The following FKBP11 variants were observed in gnomAD, a reference collection of about 807,000 sequenced individuals.
The protein encoded by FKBP11 is FKBP prolyl isomerase 11.
FKBP11 carries 21 observed loss-of-function variants against 24.7 expected under a neutral mutation model. The ratio of observed to expected loss-of-function variants is 0.85; its 90% CI spans 0.60 to 1.23. FKBP11 has a LOEUF of 1.23. Ranked by LOEUF, FKBP11 falls within the 50% of genes most tolerant of loss-of-function variation. The pLI, the probability that FKBP11 is intolerant of heterozygous loss-of-function variation, is 0.00. For missense variants in FKBP11, 245 were observed against 248.7 expected (o/e 0.99, Z 0.10); for synonymous variants, 106 against 100.6 (o/e 1.05, Z -0.32).
upstream of FKBP11, chr12:48,931,314 G>GCT (rs1392933870): frequency 2.1e-4 from 206 of 1,000,534 alleles, no homozygotes; most frequent in Admixed American, 1.3e-4. Context: ...CAGGTCTGAG[G>GCT]CTCTGTTCAG....
the FKBP11 span, chr12:48,938,087 A>G: frequency 7.6e-4 from 228 of 299,496 alleles, 1 homozygote; most frequent in African/African-American, 4.7e-3. Context: ...CTCTAAGCTG[A>G]TAAGAGTGAG....
At chr12:48,926,528 T>C (rs1436812987), upstream of FKBP11, 1 of 147,752 alleles carries the variant, frequency 6.8e-6, no homozygotes, top group South Asian at 2.1e-4. Context: ...TTTCTTTTTT[T>C]TTTTTTTTTT....
the FKBP11 span, among the ~76,000 whole-genome samples, chr12:48,932,261 ATTTTTTTT>A: frequency 3.5e-3 from 105 of 30,332 alleles, no homozygotes; most frequent in Middle Eastern, 0.056. Flanking sequence ...ATATATATAT[ATTTTTTTT>A]TTTTTTTTTT....
upstream of FKBP11, among the ~76,000 whole-genome samples, chr12:48,930,024 CA>C (rs1240260971): frequency 6.6e-6 from 1 of 152,168 alleles, no homozygotes; most frequent in African/African-American, 2.4e-5. Context: ...CTATCTCCCC[CA>C]AAGAGCCAGC....
the FKBP11 span, among the ~76,000 whole-genome samples, chr12:48,933,831 C>T: frequency 6.6e-6 from 1 of 151,642 alleles, no homozygotes; most frequent in East Asian, 1.9e-4. Context: ...CACGCCACTG[C>T]ATTCCGGCCT....
the FKBP11 span, chr12:48,938,439 G>A: frequency 2.2e-5 from 7 of 324,568 alleles, no homozygotes; most frequent in Admixed American, 6.8e-5. Context: ...CGCTCCCCCC[G>A]GCCCCCACAA....
chr12:48,923,191 C>A, intron 5 of FKBP11: 1 of 1,211,082 alleles, frequency 8.3e-7, no homozygotes, highest in Non-Finnish European at 1.0e-6. Context: ...CTGTGGAGTA[C>A]AACACATTTT....
chr12:48,938,727 A>AT, the FKBP11 span: 2 of 607,760 alleles, frequency 3.3e-6, no homozygotes, highest in African/African-American at 3.7e-5. Context: ...AATCCAGTAA[A>AT]TTGGAATGAC....
chr12:48,924,883 G>C, intron 2 of FKBP11, 163 bp downstream of exon 2: 4 of 1,445,344 alleles, frequency 2.8e-6, no homozygotes, highest in Non-Finnish European at 3.6e-6. Flanking sequence ...AGGGAAAAGA[G>C]GCACGGAAGA....
At chr12:48,922,920 A>G in intron 5 of FKBP11, 1 of 1,048,038 alleles carries the variant, frequency 9.5e-7, no homozygotes, top group Non-Finnish European at 1.2e-6. Context: ...AAGCCAAGGC[A>G]GGCGGATCAC....
At chr12:48,924,177 C>T in intron 4 of FKBP11, 46 bp downstream of exon 4, 1 of 1,609,928 alleles carries the variant, frequency 6.2e-7, no homozygotes, top group African/African-American at 1.3e-5. Context: ...AAAGCCTCTA[C>T]CCATGCAAAG....
At chr12:48,923,171 G>A in intron 5 of FKBP11, 2 of 1,160,712 alleles carry the variant, frequency 1.7e-6, no homozygotes, top group African/African-American at 1.6e-5. Flanking sequence ...AGAATTACGA[G>A]CCCAATACTC....
Position 48,925,360 on chromosome 12 carries a change from G to C in FKBP11, c.69C>G (p.Cys23Trp). 6.2e-7 allele frequency: 1 copy of C among 1,605,070 alleles called. No individual in the cohort carries two copies. Among genetic ancestry groups the C allele is most frequent in the East Asian group, 2.2e-5 (1 of 44,638 alleles). ...CGGTTTCGAGCCCAGCCTCAGCCCGGCACACCGCCGCACTGAGCAGCAGCA... is the reference window on the plus strand; with the variant it reads ...CGGTTTCGAGCCCAGCCTCAGCCCGCCACACCGCCGCACTGAGCAGCAGCA... ...LLLLLLSAAV[C>W]RAEAGLETES... Residue 23 changes from cysteine (C) to tryptophan (W), a missense_variant, in exon 1 of 6, where the codon TGC (cysteine) becomes TGG (tryptophan). Coordinates refer to ENST00000550765, the MANE Select transcript of FKBP11 (RefSeq NM_016594.3).
the FKBP11 span, chr12:48,931,608 T>A: frequency 3.6e-5 from 28 of 779,248 alleles, no homozygotes; most frequent in Middle Eastern, 4.7e-4. Context: ...AAGGTGTCTC[T>A]GTCAGTGTGT....
At chr12:48,934,759 A>G in the FKBP11 span, among the ~76,000 whole-genome samples, 2 of 152,160 alleles carry the variant, frequency 1.3e-5, no homozygotes, top group Non-Finnish European at 2.9e-5. Context: ...CACGCCTGTA[A>G]TCCTAGCACT....
At chr12:48,932,184 T>TATATAA in the FKBP11 span, among the ~76,000 whole-genome samples, 1 of 128,450 alleles carries the variant, frequency 7.8e-6, no homozygotes, top group East Asian at 2.2e-4. Context: ...TATATATATA[T>TATATAA]AATATAAACA....
At chr12:48,924,029 C>A in intron 4 of FKBP11, 177 bp from the exon 5 acceptor site, 1 of 874,268 alleles carries the variant, frequency 1.1e-6, no homozygotes, top group Non-Finnish European at 1.9e-6. Context: ...TGTGCCTCAA[C>A]TCCCCCGACA....
In FKBP11 at chr12:48,925,375, G is replaced by GAGCAGCAGC. The variant is rs745622342; in HGVS notation, c.45_53dup (p.Leu16_Leu18dup). The GAGCAGCAGC allele has an allele frequency of 3.7e-6, 6 of 1,601,680 alleles. No individual in the cohort carries two copies. Among genetic ancestry groups the GAGCAGCAGC allele is most frequent in the South Asian group, 2.3e-5 (2 of 88,772 alleles). On this transcript the variant is annotated inframe_insertion, in exon 1 of 6. Transcript: ENST00000550765. ...CCTCAGCCCGGCACACCGCCGCACT[G>GAGCAGCAGC]AGCAGCAGCAGCAGCAGCAGATGGA...
chr12:48,932,255 ATATATATTTTTTTTTTTTTTTT>A, the FKBP11 span, among the ~76,000 whole-genome samples: 4 of 37,602 alleles, frequency 1.1e-4, no homozygotes, highest in Admixed American at 7.2e-4. Flanking sequence ...ATATATATAT[ATATATATTTTTTTTTTTTTTTT>A]TTTTTTTTTT....
Sources: allele counts gnomAD v4.1 joint callset (sites outside exome capture counted in the v4.1 genomes callset), GRCh38; gene constraint gnomAD v4.1.1; transcripts MANE v1.5; gene names NCBI Gene and HGNC (gene_info 2026-07-23, HGNC 2026-07-21).